EPHA6: variants seen among roughly 807,000 people sequenced by gnomAD.
EPHA6 encodes EPH receptor A6, also known as ephrin type-A receptor 6.
A neutral mutation model predicts 112.0 loss-of-function variants in EPHA6; 50 were observed. The observed-to-expected ratio is 0.45, with a 90% confidence interval of 0.36 to 0.56. EPHA6 has a LOEUF of 0.56. Among genes scored for constraint, EPHA6 ranks in the 20% least tolerant of loss-of-function variants. EPHA6 has a pLI of 0.00. For missense variants in EPHA6, 1,280 were observed against 1,417.4 expected (o/e 0.90, Z 1.56); for synonymous variants, 529 against 490.7 (o/e 1.08, Z -1.03).
chr3:97,363,748 C>T (rs529680763), intron 5 of EPHA6, among the ~76,000 whole-genome samples: 4 of 152,046 alleles, frequency 2.6e-5, no homozygotes, highest in African/African-American at 7.2e-5. Flanking sequence ...AAGAAGGAAG[C>T]AACCCAAATG....
intron 2 of EPHA6, among the ~76,000 whole-genome samples, chr3:96,975,997 A>G (rs933170231): frequency 1.3e-5 from 2 of 152,202 alleles, no homozygotes; most frequent in Non-Finnish European, 2.9e-5. Flanking sequence ...TTCATTACCT[A>G]TTATATAAAA....
intron 1 of EPHA6, among the ~76,000 whole-genome samples, chr3:96,845,346 G>C (rs527463573): frequency 2.0e-5 from 3 of 151,994 alleles, no homozygotes; most frequent in Non-Finnish European, 4.4e-5. Context: ...GTCTCATGCT[G>C]TGCCCAATTA....
At chr3:97,263,461 A>G (rs2079566486) in intron 5 of EPHA6, among the ~76,000 whole-genome samples, 1 of 151,720 alleles carries the variant, frequency 6.6e-6, no homozygotes, top group Non-Finnish European at 1.5e-5. Context: ...ACACACACAC[A>G]CACACACCCG....
Position 97,557,604 on chromosome 3 carries a change from A to G in EPHA6, c.2386+25061A>G, listed in dbSNP as rs1007130334. Among the ~76,000 whole-genome samples, 90 of 152,050 alleles carry G rather than the reference A, an allele frequency of 5.9e-4. 1 individual carries two copies. Among genetic ancestry groups the G allele is most frequent in the Middle Eastern group, 3.4e-3 (1 of 292 alleles). ...ACCAGCTTGCCATGTATCCCTGAGA[A>G]TAGAAAACTCACTTTTTCTCCACTT... On this transcript the variant is annotated intron_variant, in intron 11 of 17. Coordinates refer to ENST00000389672, the MANE Select transcript of EPHA6 (RefSeq NM_001080448.3).
At chr3:97,619,391 A>G (rs2093793887) in intron 13 of EPHA6, among the ~76,000 whole-genome samples, 1 of 140,620 alleles carries the variant, frequency 7.1e-6, no homozygotes, top group East Asian at 2.3e-4. Context: ...CCTATTCAAC[A>G]TAGTATGGAA....
In EPHA6 at chr3:97,592,621, C is replaced by T. The variant is rs577624364; in HGVS notation, c.2396C>T (p.Pro799Leu). 19 of 1,612,934 alleles carry T rather than the reference C, an allele frequency of 1.2e-5. No individual in the cohort carries two copies. Among genetic ancestry groups the T allele is most frequent in the Middle Eastern group, 1.7e-4 (1 of 6,042 alleles). Reference sequence around the variant, plus strand: ...TTTTATCTCTTAAAAGGATCCTTCCCGGCCATTGGGGTGGAGGCGTTTTGC... The same window carrying T: ...TTTTATCTCTTAAAAGGATCCTTCCTGGCCATTGGGGTGGAGGCGTTTTGC... ...LEGVVTKRSFPAIGVEAFCPS... is the reference protein window; with the variant it reads ...LEGVVTKRSFLAIGVEAFCPS... The change falls in exon 12 of 18, where the codon CCG becomes CTG. Residue 799 changes from proline to leucine, a missense_variant. Physicochemically the swap from Pro to Leu is moderately conservative, Grantham distance 98. Around this residue, in one of 4 missense-constraint regions of EPHA6, gnomAD observed 878 missense variants for 999.7 expected, o/e 0.88. Coordinates refer to ENST00000389672, the MANE Select transcript of EPHA6 (RefSeq NM_001080448.3).
chr3:96,814,654 A>G lies in EPHA6; in HGVS notation c.31A>G (p.Ser11Gly). 1 of 1,473,574 alleles carries G rather than the reference A, an allele frequency of 6.8e-7. No individual in the cohort carries two copies. The highest frequency in any genetic ancestry group is 9.0e-7 in the Non-Finnish European group (1 of 1,111,760). The allele number at this position is 1,473,574 out of a possible 1,614,324, so 91.3% of individuals were successfully genotyped here. A position where few individuals can be genotyped will look rare whatever the true frequency, so the allele number is the denominator to read the frequency against. The change falls in exon 1 of 18, where the codon AGC (serine) becomes GGC (glycine). Residue 11 changes from serine (S) to glycine (G), a missense_variant. Physicochemically the swap from Ser to Gly is moderately conservative, Grantham distance 56. Coordinates refer to ENST00000389672, the MANE Select transcript of EPHA6 (RefSeq NM_001080448.3). ...ATTCCCCTCGCCTCCAGCCGCGAGGAGCTCCCCGGCGCCGCAGGCAGCGTC... is the reference window on the plus strand; with the variant it reads ...ATTCCCCTCGCCTCCAGCCGCGAGGGGCTCCCCGGCGCCGCAGGCAGCGTC... MQFPSPPAARSSPAPQAASSS... is the reference protein window; with the variant it reads MQFPSPPAARGSPAPQAASSS...
chr3:96,979,767 A>G (rs1429243614), intron 2 of EPHA6, among the ~76,000 whole-genome samples: 1 of 152,076 alleles, frequency 6.6e-6, no homozygotes, highest in Non-Finnish European at 1.5e-5. Flanking sequence ...ATGGTATCTC[A>G]TTGTGGTTTT....
chr3:97,588,097 T>C (rs2093507967), intron 11 of EPHA6, among the ~76,000 whole-genome samples: 2 of 152,122 alleles, frequency 1.3e-5, no homozygotes, highest in Non-Finnish European at 1.5e-5. Context: ...TGTATATATT[T>C]ATAAAAAAAT....
chr3:97,104,498 C>T (rs2047505836), intron 3 of EPHA6, among the ~76,000 whole-genome samples: 2 of 152,096 alleles, frequency 1.3e-5, no homozygotes, highest in African/African-American at 2.4e-5. Flanking sequence ...ATGAAGCCTA[C>T]TTGATCGTGG....
intron 7 of EPHA6, among the ~76,000 whole-genome samples, chr3:97,467,816 A>G (rs933664503): frequency 8.6e-5 from 13 of 151,714 alleles, no homozygotes; most frequent in African/African-American, 3.1e-4. Flanking sequence ...TGTTATATGA[A>G]GGCTACCTAT....
chr3:97,608,493 TAAG>T (rs2093695598), intron 12 of EPHA6, among the ~76,000 whole-genome samples: 1 of 151,128 alleles, frequency 6.6e-6, no homozygotes, highest in Non-Finnish European at 1.5e-5. Context: ...TATGGGAAAA[TAAG>T]AAAGAAAAAC....
chr3:97,061,628 T>C (rs1283432295), intron 3 of EPHA6, among the ~76,000 whole-genome samples: 1 of 152,174 alleles, frequency 6.6e-6, no homozygotes, highest in East Asian at 1.9e-4. Context: ...AAATAGGGGA[T>C]GAGAAGGTAA....
intron 11 of EPHA6, among the ~76,000 whole-genome samples, chr3:97,583,246 G>A (rs533308474): frequency 6.6e-6 from 1 of 151,892 alleles, no homozygotes; most frequent in African/African-American, 2.4e-5. Context: ...TTTTTTAGAA[G>A]AACATATAGT....
rs1285564187 is a variant in EPHA6, at chr3:96,814,763, G to T, written c.140G>T (p.Gly47Val). Residue 47 changes from glycine to valine, a missense_variant, in exon 1 of 18, where the codon GGG (glycine) becomes GTG (valine). Transcript: ENST00000389672. ...GGGACCTCGCGCAGGGGGCGCCCCG[G>T]GACACCCCCTGCGGGCCGGGTGGAG... ...VPGTSRRGRPGTPPAGRVEEE... is the reference protein window; with the variant it reads ...VPGTSRRGRPVTPPAGRVEEE... 3 of 1,601,604 alleles carry T rather than the reference G, an allele frequency of 1.9e-6. No homozygotes were observed. The South Asian group carries it at 3.3e-5, about 18-fold the overall frequency.
At chr3:97,022,806 A>ATTTAATCACTTTATTCTTG (rs1402857637) in intron 3 of EPHA6, among the ~76,000 whole-genome samples, 1 of 152,140 alleles carries the variant, frequency 6.6e-6, no homozygotes, top group African/African-American at 2.4e-5. Flanking sequence ...AAATCCACTT[A>ATTTAATCACTTTATTCTTG]TTTAATCACT....
rs191147989 is a variant in EPHA6, at chr3:97,603,347, C to G, written c.2513-7446C>G. ...ATCATGTTTTGTTTCTCTAGCCTCA[C>G]ACCTTCCATTTACTCTAACAAATCT... On this transcript the variant is annotated intron_variant, in intron 12 of 17. Coordinates refer to ENST00000389672, the MANE Select transcript of EPHA6 (RefSeq NM_001080448.3). Among the ~76,000 whole-genome samples the G allele has an allele frequency of 1.9e-3, 284 of 152,078 alleles. 3 individuals carry two copies. The highest frequency in any genetic ancestry group is 6.6e-3 in the African/African-American group (276 of 41,522).
intron 14 of EPHA6, among the ~76,000 whole-genome samples, chr3:97,695,780 C>A (rs2032998445): frequency 6.6e-6 from 1 of 152,140 alleles, no homozygotes; most frequent in African/African-American, 2.4e-5. Flanking sequence ...ACCTCGTGAT[C>A]CACATGCTTC....
At chr3:97,004,945 G>T (rs1205034265) in intron 3 of EPHA6, among the ~76,000 whole-genome samples, 2 of 152,062 alleles carry the variant, frequency 1.3e-5, no homozygotes, top group Non-Finnish European at 2.9e-5. Flanking sequence ...TTATTTCTGA[G>T]GTCTCTGTTC....
Sources: gnomAD v4.1 joint callset for allele counts (sites outside exome capture counted in the v4.1 genomes callset) on GRCh38, gnomAD v4.1.1 for gene constraint, gnomAD v4.1.1 regional missense constraint, MANE v1.5 for transcripts, NCBI Gene and HGNC (gene_info 2026-07-23, HGNC 2026-07-21) for gene names.